Variants in CALN1 observed in about 807,000 individuals in gnomAD.
The protein encoded by CALN1 is calneuron 1, also known as calcium-binding protein 8.
Under a neutral mutation model 30.6 loss-of-function variants are expected in CALN1, and 17 were observed. That is an observed-to-expected ratio of 0.56 (90% confidence interval 0.38 to 0.83). CALN1 has a LOEUF of 0.83. Among genes scored for constraint, CALN1 ranks in the 40% least tolerant of loss-of-function variants. CALN1 has a pLI of 0.00. For missense variants in CALN1, 291 were observed against 354.9 expected (o/e 0.82, Z 1.45); for synonymous variants, 156 against 131.4 (o/e 1.19, Z -1.28).
At chr7:72,455,034 T>A in the CALN1 span, among the ~76,000 whole-genome samples, 1 of 152,092 alleles carries the variant, frequency 6.6e-6, no homozygotes, top group Non-Finnish European at 1.5e-5. Flanking sequence ...TTTCTCCGTG[T>A]TGGTCAGGCT....
the CALN1 span, among the ~76,000 whole-genome samples, chr7:72,460,864 C>T: frequency 6.6e-6 from 1 of 152,132 alleles, no homozygotes; most frequent in African/African-American, 2.4e-5. Flanking sequence ...AGAGGTTTTG[C>T]TTCCCCCCAC....
At chr7:72,124,616 C>T (rs1238945901) in intron 3 of CALN1, among the ~76,000 whole-genome samples, 2 of 151,852 alleles carry the variant, frequency 1.3e-5, no homozygotes, top group Non-Finnish European at 2.9e-5. Context: ...CCTACCACTG[C>T]ACTCTAACCT....
rs148958697 is a variant in CALN1, at chr7:72,126,910, A to G, written c.245-20616T>C. 2.9e-4 allele frequency among the ~76,000 whole-genome samples: 44 copies of G among 152,278 alleles called. No homozygotes were observed. In the East Asian group the frequency reaches 8.6e-3, roughly 30 times the overall value. ...CCAAGATCTCAGAAATCACCCATAA[A>G]GAATTAAATCACCACTAAAGAATGT... On this transcript the variant is annotated intron_variant, in intron 3 of 6. Transcript: ENST00000395275.
At chr7:71,800,834 T>C (rs1343927055) in intron 6 of CALN1, among the ~76,000 whole-genome samples, 2 of 152,196 alleles carry the variant, frequency 1.3e-5, no homozygotes, top group African/African-American at 4.8e-5. Context: ...TTAAGTTCCA[T>C]GATACATGTG....
At chr7:72,071,415 C>T (rs1053458464) in intron 4 of CALN1, among the ~76,000 whole-genome samples, 19 of 152,122 alleles carry the variant, frequency 1.2e-4, no homozygotes, top group African/African-American at 3.6e-4. Flanking sequence ...TATTTTCCCC[C>T]GTTTCATTTT....
chr7:72,063,394 T>C (rs895922571), intron 4 of CALN1, among the ~76,000 whole-genome samples: 1 of 152,186 alleles, frequency 6.6e-6, no homozygotes, highest in African/African-American at 2.4e-5. Context: ...AAAGTTTTCC[T>C]CTCTCTTAAA....
intron 3 of CALN1, among the ~76,000 whole-genome samples, chr7:72,170,111 TC>T (rs1788833451): frequency 6.6e-6 from 1 of 152,128 alleles, no homozygotes; most frequent in African/African-American, 2.4e-5. Context: ...CAATCCTCCC[TC>T]CCAAGTAACT....
Position 72,386,902 on chromosome 7 carries a change from T to C in CALN1, c.119+16349A>G, listed in dbSNP as rs866818151. Among the ~76,000 whole-genome samples the C allele has an allele frequency of 9.9e-5, 15 of 152,130 alleles. No individual in the cohort carries two copies. The East Asian group carries it at 1.2e-3, about 12-fold the overall frequency. Reference sequence around the variant, plus strand: ...ATACAGATGGTTACATCTAGAAGTATAGATATGTGTACATACATAGTTTAG... The same window carrying C: ...ATACAGATGGTTACATCTAGAAGTACAGATATGTGTACATACATAGTTTAG... On this transcript the variant is annotated intron_variant, in intron 2 of 6. Coordinates refer to ENST00000395275, the MANE Select transcript of CALN1 (RefSeq NM_031468.4).
intron 4 of CALN1, among the ~76,000 whole-genome samples, chr7:72,049,813 C>CT (rs1361429663): frequency 0.012 from 850 of 71,252 alleles, 8 homozygotes; most frequent in African/African-American, 0.04. Context: ...AAGTCTATTT[C>CT]TTTTTTTTTT....
the CALN1 span, among the ~76,000 whole-genome samples, chr7:72,501,789 G>A: frequency 6.7e-6 from 1 of 149,020 alleles, no homozygotes; most frequent in Non-Finnish European, 1.5e-5. Flanking sequence ...GGCGCCTGTA[G>A]TCCCAGCTAC....
chr7:72,192,437 T>C (rs759318614), intron 3 of CALN1, among the ~76,000 whole-genome samples: 1 of 152,272 alleles, frequency 6.6e-6, no homozygotes, highest in East Asian at 1.9e-4. Flanking sequence ...GTTCTGTCAA[T>C]CTGCCTAGAG....
intron 5 of CALN1, among the ~76,000 whole-genome samples, chr7:71,856,502 A>G (rs1790954500): frequency 6.6e-6 from 1 of 152,080 alleles, no homozygotes; most frequent in South Asian, 2.1e-4. Context: ...TTAGAATTTA[A>G]AAACATTACT....
chr7:71,847,958 G>C (rs1396255319), intron 5 of CALN1, among the ~76,000 whole-genome samples: 1 of 152,076 alleles, frequency 6.6e-6, no homozygotes, highest in African/African-American at 2.4e-5. Context: ...GGCCTCCCCA[G>C]CCATGTGGAA....
chr7:72,164,899 T>A (rs1394376115), intron 3 of CALN1, among the ~76,000 whole-genome samples: 2 of 152,074 alleles, frequency 1.3e-5, no homozygotes, highest in African/African-American at 4.8e-5. Flanking sequence ...CTCGCTATGT[T>A]GCCCAAACTG....
intron 3 of CALN1, among the ~76,000 whole-genome samples, chr7:72,175,979 G>A (rs1789321785): frequency 6.6e-6 from 1 of 151,970 alleles, no homozygotes; most frequent in Non-Finnish European, 1.5e-5. Flanking sequence ...CAAACTCAGA[G>A]GGTATGCCTG....
chr7:72,031,223 C>A (rs140142505), intron 4 of CALN1, among the ~76,000 whole-genome samples: 1 of 152,110 alleles, frequency 6.6e-6, no homozygotes, highest in Non-Finnish European at 1.5e-5. Flanking sequence ...TCTTACCAAG[C>A]GAGTGCTATG....
At chr7:72,411,115 G>A (rs1184475950) in intron 1 of CALN1, among the ~76,000 whole-genome samples, 2 of 152,014 alleles carry the variant, frequency 1.3e-5, no homozygotes, top group African/African-American at 4.8e-5. Flanking sequence ...TGTATGAGCA[G>A]AGCCTATTTA....
chr7:72,181,105 C>A (rs866652371), intron 3 of CALN1, among the ~76,000 whole-genome samples: 14 of 89,888 alleles, frequency 1.6e-4, no homozygotes, highest in African/African-American at 5.4e-4. Flanking sequence ...AACCCCCCCC[C>A]CCCCCAAAAA....
At chr7:72,109,065 T>C (rs929583588) in intron 3 of CALN1, among the ~76,000 whole-genome samples, 1 of 152,192 alleles carries the variant, frequency 6.6e-6, no homozygotes, top group Non-Finnish European at 1.5e-5. Context: ...CTACCCTTCT[T>C]TCATCTTAGT....
Sources: allele counts gnomAD v4.1 joint callset (sites outside exome capture counted in the v4.1 genomes callset), GRCh38; gene constraint gnomAD v4.1.1; transcripts MANE v1.5; gene names NCBI Gene and HGNC (gene_info 2026-07-23, HGNC 2026-07-21).